TENM3: variants seen among roughly 807,000 people sequenced by gnomAD.
The protein encoded by TENM3 is teneurin transmembrane protein 3.
A neutral mutation model predicts 255.1 loss-of-function variants in TENM3; 63 were observed. The ratio of observed to expected loss-of-function variants is 0.25; its 90% CI spans 0.20 to 0.30. The LOEUF is 0.30. Ranked by LOEUF, TENM3 falls within the 10% of genes least tolerant of loss-of-function variation. TENM3 has a pLI of 1.00. For synonymous variants in TENM3, 1,306 were observed against 1,322.3 expected (o/e 0.99, Z 0.27); for missense variants, 2,929 against 3,461.1 (o/e 0.85, Z 3.86).
intron 3 of TENM3, among the ~76,000 whole-genome samples, chr4:182,407,439 T>A (rs1477489048): frequency 2.0e-5 from 3 of 152,328 alleles, no homozygotes; most frequent in Middle Eastern, 3.4e-3. Flanking sequence ...GAAACCTCTA[T>A]AAAGAAATGG....
At chr4:182,673,255 T>G in intron 7 of TENM3, 36 bp downstream of exon 7, 4 of 1,419,790 alleles carry the variant, frequency 2.8e-6, no homozygotes, top group Non-Finnish European at 3.9e-6. Context: ...AAATAAAAAC[T>G]GCCAGTTGCA....
chr4:181,971,024 T>C, the TENM3 span, among the ~76,000 whole-genome samples: 3 of 152,162 alleles, frequency 2.0e-5, no homozygotes, highest in Non-Finnish European at 4.4e-5. Context: ...CACTGCTCAC[T>C]GCAGCCTCGA....
chr4:182,506,140 T>C (rs1234257403), intron 3 of TENM3, among the ~76,000 whole-genome samples: 12 of 152,154 alleles, frequency 7.9e-5, no homozygotes, highest in Admixed American at 7.2e-4. Flanking sequence ...GCATGAACAG[T>C]GTGTTGCTTA....
chr4:181,596,213 G>T, the TENM3 span, among the ~76,000 whole-genome samples: 1 of 152,130 alleles, frequency 6.6e-6, no homozygotes, highest in Non-Finnish European at 1.5e-5. Context: ...CTAGTTAAAG[G>T]AAACAATGTG....
chr4:182,151,264 G>C (rs1291973445), intron 1 of TENM3, among the ~76,000 whole-genome samples: 1 of 152,102 alleles, frequency 6.6e-6, no homozygotes, highest in Non-Finnish European at 1.5e-5. Context: ...GGAGAAATGT[G>C]TGAACCATGT....
chr4:182,089,576 T>TA, the TENM3 span, among the ~76,000 whole-genome samples: 80 of 152,282 alleles, frequency 5.3e-4, no homozygotes, highest in African/African-American at 1.8e-3. Context: ...ATTGATTTTT[T>TA]AAAAAAACCA....
intron 4 of TENM3, among the ~76,000 whole-genome samples, chr4:182,617,525 A>C (rs1420215323): frequency 1.3e-5 from 2 of 152,310 alleles, no homozygotes; most frequent in African/African-American, 4.8e-5. Flanking sequence ...TGAGACCTTT[A>C]ATAAGCCTCT....
intron 1 of TENM3, among the ~76,000 whole-genome samples, chr4:182,200,495 C>A (rs1167803970): frequency 6.6e-6 from 1 of 152,156 alleles, no homozygotes; most frequent in East Asian, 1.9e-4. Context: ...CCAATTCAAC[C>A]TTTTAAAATG....
chr4:181,602,962 C>T, the TENM3 span, among the ~76,000 whole-genome samples: 1 of 152,164 alleles, frequency 6.6e-6, no homozygotes, highest in Non-Finnish European at 1.5e-5. Flanking sequence ...AGTGGTTGCT[C>T]ATTCATCATG....
the TENM3 span, among the ~76,000 whole-genome samples, chr4:181,902,460 G>A: frequency 6.6e-6 from 1 of 152,250 alleles, no homozygotes; most frequent in Admixed American, 6.5e-5. Flanking sequence ...CTACTATAAA[G>A]ACACATGCAC....
the TENM3 span, among the ~76,000 whole-genome samples, chr4:181,864,018 A>G: frequency 6.6e-6 from 1 of 152,162 alleles, no homozygotes; most frequent in Non-Finnish European, 1.5e-5. Flanking sequence ...AACAAGTTTC[A>G]TGTGAACATG....
At chr4:182,777,547 CTTTTTTTTTT>C (rs1157448732) in intron 24 of TENM3, among the ~76,000 whole-genome samples, 5 of 45,442 alleles carry the variant, frequency 1.1e-4, no homozygotes, top group South Asian at 1.0e-3. Context: ...GTGTGTATTT[CTTTTTTTTTT>C]TTTTTTTTTT....
chr4:182,634,670 CCCTG>C, intron 5 of TENM3, among the ~76,000 whole-genome samples: 1 of 149,050 alleles, frequency 6.7e-6, no homozygotes, highest in African/African-American at 2.5e-5. Context: ...CTTCTCTGGG[CCCTG>C]ATGTACTCAT....
chr4:182,472,703 T>C (rs1733250145), intron 3 of TENM3, among the ~76,000 whole-genome samples: 1 of 150,194 alleles, frequency 6.7e-6, no homozygotes, highest in African/African-American at 2.5e-5. Context: ...AATATTGATA[T>C]TTTAAATAAA....
At chr4:182,663,688 A>G (rs1007975599) in intron 6 of TENM3, among the ~76,000 whole-genome samples, 2 of 152,160 alleles carry the variant, frequency 1.3e-5, no homozygotes, top group African/African-American at 2.4e-5. Flanking sequence ...GTAAGTGACA[A>G]TGGGAGGATT....
chr4:182,759,769 T>C (rs529298084), intron 22 of TENM3, among the ~76,000 whole-genome samples: 1 of 152,328 alleles, frequency 6.6e-6, no homozygotes. Flanking sequence ...ATAAAGTAAG[T>C]AGGGTGATTC....
At chr4:182,213,858 G>T (rs1755225911) in intron 1 of TENM3, among the ~76,000 whole-genome samples, 1 of 152,082 alleles carries the variant, frequency 6.6e-6, no homozygotes. Context: ...CTGGAGTGCA[G>T]TGGCGCGATC....
At chr4:182,432,713 C>T (rs13115403) in intron 3 of TENM3, among the ~76,000 whole-genome samples, 74,030 of 151,908 alleles carry the variant, frequency 0.49, 18,395 homozygotes, top group South Asian at 0.59. Context: ...GTAGAAACCA[C>T]GGCTGAAGCC....
At chr4:182,440,114 CTTTTTT>C (rs5864784) in intron 3 of TENM3, among the ~76,000 whole-genome samples, 67 of 126,768 alleles carry the variant, frequency 5.3e-4, no homozygotes, top group Non-Finnish European at 8.7e-4. Context: ...TGGTGGGCAC[CTTTTTT>C]TTTTTTTTTT....
Sources: allele counts gnomAD v4.1 joint callset (sites outside exome capture counted in the v4.1 genomes callset), GRCh38; gene constraint gnomAD v4.1.1; transcripts MANE v1.5; gene names NCBI Gene and HGNC (gene_info 2026-07-23, HGNC 2026-07-21).